ALDH1A2: variants seen among roughly 807,000 people sequenced by gnomAD.
ALDH1A2 encodes the protein retinal dehydrogenase 2.
Under a neutral mutation model 60.3 loss-of-function variants are expected in ALDH1A2, and 27 were observed. That is an observed-to-expected ratio of 0.45 (90% CI 0.33 to 0.62). ALDH1A2 has a LOEUF of 0.62. Among genes scored for constraint, ALDH1A2 ranks in the 20% least tolerant of loss-of-function variants. ALDH1A2 has a pLI of 0.02. For missense variants in ALDH1A2, 581 were observed against 643.8 expected (o/e 0.90, Z 1.06); for synonymous variants, 289 against 232.4 (o/e 1.24, Z -2.21).
At chr15:57,967,640 C>A (rs1370140344) in intron 7 of ALDH1A2, among the ~76,000 whole-genome samples, 1 of 152,182 alleles carries the variant, frequency 6.6e-6, no homozygotes, top group African/African-American at 2.4e-5. Context: ...GAAAAGCTAA[C>A]CTTAGGGGGA....
intron 7 of ALDH1A2, among the ~76,000 whole-genome samples, chr15:57,977,730 G>GT (rs1446793530): frequency 1.3e-5 from 2 of 152,144 alleles, no homozygotes; most frequent in East Asian, 1.9e-4. Context: ...ATTTAAAGTC[G>GT]TTTTTTCTAA....
chr15:58,055,985 T>A (rs181899939), intron 1 of ALDH1A2, among the ~76,000 whole-genome samples: 4 of 152,230 alleles, frequency 2.6e-5, no homozygotes, highest in African/African-American at 9.6e-5. Context: ...GAATAATTCA[T>A]CAATTTATCT....
chr15:57,989,140 C>G (rs1009706261), intron 7 of ALDH1A2, among the ~76,000 whole-genome samples: 1 of 152,216 alleles, frequency 6.6e-6, no homozygotes, highest in African/African-American at 2.4e-5. Flanking sequence ...CAGGGCAAGA[C>G]TCCATCTCAA....
intron 1 of ALDH1A2, among the ~76,000 whole-genome samples, chr15:58,053,255 T>C (rs1320796594): frequency 2.0e-5 from 3 of 152,186 alleles, no homozygotes; most frequent in Non-Finnish European, 4.4e-5. Context: ...TTTTGTGTTC[T>C]GAAGTCATGT....
chr15:58,010,144 G>A (rs191323941), intron 4 of ALDH1A2, among the ~76,000 whole-genome samples: 1 of 152,170 alleles, frequency 6.6e-6, no homozygotes, highest in South Asian at 2.1e-4. Context: ...AGTAATTCAC[G>A]GCCGTTCGAG....
intron 4 of ALDH1A2, among the ~76,000 whole-genome samples, chr15:57,995,947 A>G (rs1334268499): frequency 6.6e-6 from 1 of 152,164 alleles, no homozygotes; most frequent in Non-Finnish European, 1.5e-5. Context: ...TAAAATTACC[A>G]AAGAATGGCT....
chr15:58,045,855 T>C (rs1431324095), intron 1 of ALDH1A2, among the ~76,000 whole-genome samples: 1 of 151,974 alleles, frequency 6.6e-6, no homozygotes, highest in African/African-American at 2.4e-5. Flanking sequence ...GTCACTGCTG[T>C]TTGGCCCACA....
intron 4 of ALDH1A2, among the ~76,000 whole-genome samples, chr15:58,000,445 A>T (rs1895225900): frequency 6.6e-6 from 1 of 151,920 alleles, no homozygotes; most frequent in Admixed American, 6.6e-5. Context: ...CCATCTTCAT[A>T]ATTTTTGCCA....
At position 58,065,605 on chromosome 15, in the gene ALDH1A2, G is replaced by C. The variant is rs1193963238; in HGVS notation, c.46C>G (p.Pro16Ala). 6.2e-7 allele frequency: 1 copy of C among 1,611,300 alleles called. No homozygotes were observed. The highest frequency in any genetic ancestry group is 2.2e-5 in the East Asian group (1 of 44,794). ...IEMPGEVKAD[P>A]AALMASLHLL... is the part of the protein sequence containing the mutation. ...TGCAGCGACGCCATGAGGGCGGCGG[G>C]GTCGGCCTTCACCTCGCCGGGCATC... Residue 16 changes from proline to alanine, a missense_variant, in exon 1 of 13, where the codon CCC becomes GCC. Pro to Ala is a conservative substitution (Grantham distance 27). Around this residue, in one of 2 missense-constraint regions of ALDH1A2, gnomAD observed 206 missense variants for 174.1 expected, o/e 1.18. Transcript: ENST00000249750.
At chr15:58,036,997 ATT>A (rs1361503830) in intron 1 of ALDH1A2, among the ~76,000 whole-genome samples, 1 of 151,710 alleles carries the variant, frequency 6.6e-6, no homozygotes, top group East Asian at 1.9e-4. Context: ...CTCTCAGAAG[ATT>A]ATCTGATACC....
In ALDH1A2 at chr15:57,995,328, A is replaced by G. The variant is rs4646606; in HGVS notation, c.494-189T>C. 0.39 allele frequency among the ~76,000 whole-genome samples: 59,311 copies of G among 151,634 alleles called. 13,312 individuals carry two copies. Among genetic ancestry groups the G allele is most frequent in the South Asian group, 0.71 (3,421 of 4,800 alleles). ...CTGGACATAGCATATTTCTGGATAT[A>G]TCTCTCAGACACCCAAATGCAGTAT... On this transcript the variant is annotated intron_variant, in intron 4 of 12. Coordinates refer to ENST00000249750, the MANE Select transcript of ALDH1A2 (RefSeq NM_003888.4).
intron 7 of ALDH1A2, chr15:57,990,479 A>T (rs781625768): frequency 1.3e-5 from 2 of 152,228 alleles, no homozygotes; most frequent in African/African-American, 2.4e-5. Flanking sequence ...ATGCAAGAGT[A>T]TTCTATGCAG....
At chr15:57,985,211 C>T (rs1397399429) in intron 7 of ALDH1A2, among the ~76,000 whole-genome samples, 1 of 152,208 alleles carries the variant, frequency 6.6e-6, no homozygotes, top group Non-Finnish European at 1.5e-5. Flanking sequence ...CCAGTCCCTT[C>T]CCAATTCCGT....
chr15:57,979,034 C>T (rs1595632267), intron 7 of ALDH1A2, among the ~76,000 whole-genome samples: 1 of 152,178 alleles, frequency 6.6e-6, no homozygotes, highest in East Asian at 1.9e-4. Context: ...AAGAAAAAAA[C>T]CCTACTGAGG....
At chr15:57,964,318 C>G (rs562499832) in intron 8 of ALDH1A2, 19 of 502,680 alleles carry the variant, frequency 3.8e-5, no homozygotes, top group South Asian at 2.0e-4. Flanking sequence ...TCGTGTATAA[C>G]AGGAGTCTCA....
intron 7 of ALDH1A2, among the ~76,000 whole-genome samples, chr15:57,978,590 TG>T (rs1231191037): frequency 6.6e-6 from 1 of 152,048 alleles, no homozygotes; most frequent in Non-Finnish European, 1.5e-5. Context: ...GGTTTTATTG[TG>T]TTTGGTCCAC....
chr15:57,973,770 A>C (rs778126796), intron 7 of ALDH1A2, among the ~76,000 whole-genome samples: 1 of 152,240 alleles, frequency 6.6e-6, no homozygotes, highest in Non-Finnish European at 1.5e-5. Context: ...TCACGGGATT[A>C]GTTCCCCTCC....
At chr15:58,062,753 T>C (rs1462461962) in intron 1 of ALDH1A2, among the ~76,000 whole-genome samples, 1 of 152,230 alleles carries the variant, frequency 6.6e-6, no homozygotes, top group Non-Finnish European at 1.5e-5. Context: ...TCCAGCTTGC[T>C]GTATTAGGGA....
chr15:58,029,266 A>G (rs11852540), intron 1 of ALDH1A2, among the ~76,000 whole-genome samples: 53,956 of 152,062 alleles, frequency 0.35, 10,529 homozygotes, highest in Non-Finnish European at 0.46. Context: ...AACTACATGG[A>G]AACTGAACAA....
Sources: allele counts gnomAD v4.1 joint callset (sites outside exome capture counted in the v4.1 genomes callset), GRCh38; gene constraint gnomAD v4.1.1; regional missense constraint gnomAD v4.1.1; transcripts MANE v1.5; gene names NCBI Gene and HGNC (gene_info 2026-07-23, HGNC 2026-07-21).